Variants in FGF12 observed in about 807,000 individuals in gnomAD.
FGF12 encodes fibroblast growth factor 12B.
In FGF12, 14 loss-of-function variants were observed where a neutral mutation model predicts 23.6. The ratio of observed to expected loss-of-function variants is 0.59; its 90% CI spans 0.39 to 0.93. The LOEUF (loss-of-function observed/expected upper bound fraction) is 0.93. Among genes scored for constraint, FGF12 ranks in the 40% least tolerant of loss-of-function variants. The probability of loss-of-function intolerance (pLI) is 0.00; values close to 1 mark genes in which losing one functional copy is unlikely to be tolerated. For missense variants in FGF12, 175 were observed against 217.8 expected (o/e 0.80, Z 1.24); for synonymous variants, 62 against 77.3 (o/e 0.80, Z 1.04).
rs76005539 is a variant in FGF12, at chr3:192,193,256, A to G, written c.229-22600T>C. On this transcript the variant is annotated intron_variant, in intron 4 of 5. Transcript: ENST00000445105. ...GGATTGTCAATGTTCCTATTAAAAT[A>G]TGACTCCAATAAAGGAATACATACT... Among the ~76,000 whole-genome samples, 1,438 of 152,342 alleles carry G rather than the reference A, an allele frequency of 9.4e-3. 20 individuals are homozygous for G. The highest frequency in any genetic ancestry group is 0.033 in the African/African-American group (1,352 of 41,576).
chr3:192,201,096 T>C (rs922309232), intron 4 of FGF12, among the ~76,000 whole-genome samples: 1 of 152,190 alleles, frequency 6.6e-6, no homozygotes, highest in African/African-American at 2.4e-5. Context: ...CTGGTATATA[T>C]CTCTTTACTA....
intron 2 of FGF12, among the ~76,000 whole-genome samples, chr3:192,701,573 C>T (rs1215322522): frequency 1.3e-5 from 2 of 152,110 alleles, no homozygotes; most frequent in Non-Finnish European, 2.9e-5. Context: ...TTAGGCACCT[C>T]CCATATCAAA....
chr3:192,403,372 G>C (rs1046617061), intron 2 of FGF12, among the ~76,000 whole-genome samples: 1 of 152,134 alleles, frequency 6.6e-6, no homozygotes, highest in African/African-American at 2.4e-5. Flanking sequence ...TGAGATCTCT[G>C]TGGGATGAAA....
chr3:192,503,630 G>A (rs1416635178), intron 2 of FGF12, among the ~76,000 whole-genome samples: 1 of 126,214 alleles, frequency 7.9e-6, no homozygotes, highest in Non-Finnish European at 1.6e-5. Flanking sequence ...TTGAGATGGA[G>A]TCTCTCACTC....
At chr3:192,230,398 G>A (rs1453909250) in intron 4 of FGF12, among the ~76,000 whole-genome samples, 1 of 152,058 alleles carries the variant, frequency 6.6e-6, no homozygotes, top group African/African-American at 2.4e-5. Flanking sequence ...TTGCATCACT[G>A]AAGCAAATTT....
chr3:192,702,243 A>G (rs922769949), intron 2 of FGF12, among the ~76,000 whole-genome samples: 3 of 152,160 alleles, frequency 2.0e-5, no homozygotes, highest in African/African-American at 7.2e-5. Context: ...TATATACCAC[A>G]GTTTCTTCAT....
At chr3:192,170,875 C>G (rs548474470) in intron 4 of FGF12, among the ~76,000 whole-genome samples, 73 of 152,298 alleles carry the variant, frequency 4.8e-4, no homozygotes, top group East Asian at 1.4e-3. Context: ...GAGATAATAA[C>G]TTGCTCAGGC....
intron 2 of FGF12, among the ~76,000 whole-genome samples, chr3:192,668,719 T>C (rs772391299): frequency 6.6e-5 from 10 of 152,110 alleles, no homozygotes; most frequent in Non-Finnish European, 1.5e-4. Flanking sequence ...CAGAACTCCC[T>C]GCACTACTAG....
At chr3:192,455,510 C>G (rs1722653679) in intron 2 of FGF12, among the ~76,000 whole-genome samples, 1 of 152,180 alleles carries the variant, frequency 6.6e-6, no homozygotes, top group African/African-American at 2.4e-5. Context: ...ATGGTCAGGG[C>G]TGGCCCCTTC....
chr3:192,629,164 T>C (rs1279623473), intron 2 of FGF12, among the ~76,000 whole-genome samples: 1 of 152,224 alleles, frequency 6.6e-6, no homozygotes, highest in Admixed American at 6.5e-5. Context: ...GACAAAGAAT[T>C]AATTTGCTTA....
chr3:192,196,463 G>C (rs1717074007), intron 4 of FGF12, among the ~76,000 whole-genome samples: 1 of 152,020 alleles, frequency 6.6e-6, no homozygotes, highest in Non-Finnish European at 1.5e-5. Context: ...AGAGAGGTGA[G>C]ATGCCACTTT....
At chr3:192,227,978 A>C (rs545495301) in intron 4 of FGF12, among the ~76,000 whole-genome samples, 42 of 152,292 alleles carry the variant, frequency 2.8e-4, no homozygotes, top group African/African-American at 8.2e-4. Context: ...TTTGTTTAGA[A>C]GAAATAAAGA....
intron 2 of FGF12, among the ~76,000 whole-genome samples, chr3:192,689,317 C>T (rs909399781): frequency 6.6e-6 from 1 of 152,064 alleles, no homozygotes. Context: ...ATTACACATT[C>T]TATGTATGTA....
intron 2 of FGF12, among the ~76,000 whole-genome samples, chr3:192,507,026 G>T (rs1485996140): frequency 6.6e-6 from 1 of 151,860 alleles, no homozygotes; most frequent in Admixed American, 6.6e-5. Flanking sequence ...CAAGTAGCTG[G>T]GACTACAGGC....
At position 192,167,769 on chromosome 3, in the gene FGF12, A is replaced by ATATATATATATATAT. The variant is rs1553845519; in HGVS notation, c.427+2688_427+2689insATATATATATATATA. On this transcript the variant is annotated intron_variant, in intron 5 of 5. Transcript: ENST00000445105. ...TATATATATATATATATATATATAT[A>ATATATATATATATAT]AAATTTTTTTTTTTTTTTTTTTTTG... Among the ~76,000 whole-genome samples, 85 of 38,814 alleles carry ATATATATATATATAT rather than the reference A, an allele frequency of 2.2e-3. 1 individual carries two copies. The highest frequency in any genetic ancestry group is 6.3e-3 in the East Asian group (6 of 946). 25.5% of individuals were successfully genotyped at this position (38,814 alleles called of 152,430 possible). A position where few individuals can be genotyped will look rare whatever the true frequency, so the allele number is the denominator to read the frequency against.
chr3:192,655,399 T>C (rs1716374501), intron 2 of FGF12, among the ~76,000 whole-genome samples: 2 of 152,138 alleles, frequency 1.3e-5, no homozygotes, highest in African/African-American at 4.8e-5. Context: ...TGGTTGGAGC[T>C]GCAATAGACA....
At chr3:192,313,583 C>T (rs1317076265) in intron 4 of FGF12, among the ~76,000 whole-genome samples, 1 of 152,170 alleles carries the variant, frequency 6.6e-6, no homozygotes, top group Non-Finnish European at 1.5e-5. Flanking sequence ...GTTTCCAAAT[C>T]CCAGATGAGT....
Position 192,142,116 on chromosome 3 carries a change from T to G in FGF12, c.*1893A>C, listed in dbSNP as rs1713428097. ...TTTCCAAATATTTTGGTTAAACAAA[T>G]ATCTCTTGCAAATGTATCTTCAAAA... On this transcript the variant is annotated 3_prime_UTR_variant, in exon 6 of 6. Transcript: ENST00000445105. 1 of 152,548 alleles carries G rather than the reference T, an allele frequency of 6.6e-6. No individual in the cohort carries two copies. The highest frequency in any genetic ancestry group is 1.5e-5 in the Non-Finnish European group (1 of 67,956). The allele number at this position is 152,548 out of a possible 1,614,324, so 9.4% of individuals were successfully genotyped here.
intron 2 of FGF12, among the ~76,000 whole-genome samples, chr3:192,577,350 C>T (rs965280279): frequency 6.6e-6 from 1 of 152,152 alleles, no homozygotes; most frequent in African/African-American, 2.4e-5. Flanking sequence ...GAAATAGAAT[C>T]TTTTTTTAAA....
Sources: allele counts gnomAD v4.1 joint callset (sites outside exome capture counted in the v4.1 genomes callset), GRCh38; gene constraint gnomAD v4.1.1; transcripts MANE v1.5; gene names NCBI Gene and HGNC (gene_info 2026-07-23, HGNC 2026-07-21).